Variants in IL17RD observed in about 807,000 individuals in gnomAD.
The protein encoded by IL17RD is interleukin-17 receptor D.
Under a neutral mutation model 80.5 loss-of-function variants are expected in IL17RD, and 52 were observed. The observed-to-expected ratio is 0.65, with a 90% confidence interval of 0.52 to 0.81. The LOEUF (loss-of-function observed/expected upper bound fraction) is 0.81, where lower values mean the gene tolerates loss of function less well. IL17RD is among the 40% of genes least tolerant of loss of function. IL17RD has a pLI of 0.00. For synonymous variants in IL17RD, 416 were observed against 391.8 expected, an observed-to-expected ratio of 1.06 and a Z score of -0.73; for missense variants, 1,024 against 955.1, an observed-to-expected ratio of 1.07 and a Z score of -0.95.
intron 1 of IL17RD, among the ~76,000 whole-genome samples, chr3:57,162,599 A>G (rs977895080): frequency 6.6e-6 from 1 of 152,212 alleles, no homozygotes; most frequent in Non-Finnish European, 1.5e-5. Flanking sequence ...GGGCCGAGAA[A>G]GGAAGCTGCA....
At chr3:57,123,431 A>G (rs961165256) in intron 1 of IL17RD, among the ~76,000 whole-genome samples, 2 of 152,040 alleles carry the variant, frequency 1.3e-5, no homozygotes, top group Admixed American at 1.3e-4. Context: ...TGCTCGGAAA[A>G]TGTCCTTGGG....
rs1706664352 is a variant in IL17RD at position 57,096,128 on chromosome 3, C to T, written c.*265G>A. ...CTACCTCCCACAACAGGCTCTGATCCAAGGACTAACCAAATTTGGCAAGCT... is the reference window on the plus strand; with the variant it reads ...CTACCTCCCACAACAGGCTCTGATCTAAGGACTAACCAAATTTGGCAAGCT... On this transcript the variant is annotated 3_prime_UTR_variant, in exon 13 of 13. Transcript: ENST00000296318. The T allele has an allele frequency of 2.2e-6, 1 of 454,458 alleles. No individual in the cohort carries two copies. The highest frequency in any genetic ancestry group is 4.0e-6 in the Non-Finnish European group (1 of 248,942). The allele number at this position is 454,458 out of a possible 1,614,324, so 28.2% of individuals were successfully genotyped here. A position where few individuals can be genotyped will look rare whatever the true frequency, so the allele number is the denominator to read the frequency against.
intron 1 of IL17RD, chr3:57,164,822 G>C: frequency 1.1e-6 from 1 of 934,596 alleles, no homozygotes; most frequent in Non-Finnish European, 1.3e-6. Flanking sequence ...CGCAGCCCTG[G>C]GACGAAGGAG....
rs1410396796 is a variant in IL17RD, at chr3:57,165,168, C to T, written c.119G>A (p.Gly40Asp). Residue 40 changes from glycine to aspartate, a missense_variant, in exon 1 of 13, where the codon GGC becomes GAC. Coordinates refer to ENST00000296318, the MANE Select transcript of IL17RD (RefSeq NM_017563.5). ...SGRARGADTCGWRGVGPASRN... is the reference protein window; with the variant it reads ...SGRARGADTCDWRGVGPASRN... ...CCGCCGCCCTCGCCTTACCCTCCAGCCACAGGTGTCGGCGCCCCGCGCGCG... is the reference window on the plus strand; with the variant it reads ...CCGCCGCCCTCGCCTTACCCTCCAGTCACAGGTGTCGGCGCCCCGCGCGCG... 5.9e-6 allele frequency: 9 copies of T among 1,526,086 alleles called. No homozygotes were observed. The East Asian group carries it at 1.8e-4, about 31-fold the overall frequency. 94.5% of individuals were successfully genotyped at this position (1,526,086 alleles called of 1,614,324 possible). A position where few individuals can be genotyped will look rare whatever the true frequency, so the allele number is the denominator to read the frequency against.
At position 57,118,501 on chromosome 3, in the gene IL17RD, G is replaced by A. The variant is rs1352018265; in HGVS notation, c.184+1755C>T. ...TGTCCAAGAGATTAATCAGATGCCA[G>A]ACGTCACTAAATATGAGTCAAGTTC... On this transcript the variant is annotated intron_variant, in intron 2 of 12. Transcript: ENST00000296318. Among the ~76,000 whole-genome samples the A allele has an allele frequency of 2.6e-5, 4 of 152,270 alleles. No homozygotes were observed. In the South Asian group the frequency reaches 6.2e-4, roughly 24 times the overall value.
At chr3:57,106,241 C>T (rs1706963714) in intron 5 of IL17RD, 87 bp from the exon 6 acceptor site, 1 of 954,472 alleles carries the variant, frequency 1.0e-6, no homozygotes, top group South Asian at 1.4e-5. Context: ...TATAAAGATA[C>T]TGTGCCGGGT....
Position 57,127,412 on chromosome 3 carries a change from A to ATATAT in IL17RD, c.127-7100_127-7099insATATA, listed in dbSNP as rs1246159104. Among the ~76,000 whole-genome samples, 8 of 91,190 alleles carry ATATAT rather than the reference A, an allele frequency of 8.8e-5. 1 individual carries two copies. The highest frequency in any genetic ancestry group is 3.4e-4 in the African/African-American group (7 of 20,468). 59.8% of individuals were successfully genotyped at this position (91,190 alleles called of 152,430 possible). ...AATAAATAAATATATATATATATAT[A>ATATAT]TTTTTTTTTTGAGATAAGAGTCTTG... On this transcript the variant is annotated intron_variant, in intron 1 of 12. Transcript: ENST00000296318.
At chr3:57,096,559 G>C in intron 12 of IL17RD, 54 bp from the exon 13 acceptor site, 1 of 1,238,378 alleles carries the variant, frequency 8.1e-7, no homozygotes, top group Non-Finnish European at 1.2e-6. Flanking sequence ...CACTGGGCTG[G>C]GCAGGTGCTC....
In IL17RD at chr3:57,149,296, CA is replaced by C. The variant is rs111306706; in HGVS notation, c.126+15864del. ...GGGTGACAAGAGCGAAACTCCATCT[CA>C]AAAAAAAAAAAAAAAGCCGATTCCT... On this transcript the variant is annotated intron_variant, in intron 1 of 12. Transcript: ENST00000296318. Among the ~76,000 whole-genome samples, 1,422 of 88,278 alleles carry C rather than the reference CA, an allele frequency of 0.016. 57 individuals carry two copies. In the East Asian group the frequency reaches 0.23, roughly 14 times the overall value. The allele number at this position is 88,278 out of a possible 152,430, so 57.9% of individuals were successfully genotyped here.
intron 4 of IL17RD, 97 bp from the exon 5 acceptor site, chr3:57,109,754 C>G: frequency 8.3e-7 from 1 of 1,211,444 alleles, no homozygotes; most frequent in Non-Finnish European, 1.2e-6. Flanking sequence ...CACCCAGACA[C>G]AACTCCAGAG....
intron 1 of IL17RD, among the ~76,000 whole-genome samples, chr3:57,153,834 T>C (rs769020491): frequency 1.8e-4 from 28 of 152,186 alleles, no homozygotes; most frequent in Non-Finnish European, 4.0e-4. Flanking sequence ...TATATACATT[T>C]ATATTTACAT....
rs898302904 is a variant in IL17RD at position 57,165,269 on chromosome 3, C to A, written c.18G>T (p.Gln6His). 4.2e-5 allele frequency: 63 copies of A among 1,511,778 alleles called. No individual in the cohort carries two copies. The highest frequency in any genetic ancestry group is 5.3e-5 in the Non-Finnish European group (60 of 1,130,464). 93.6% of individuals were successfully genotyped at this position (1,511,778 alleles called of 1,614,324 possible). A position where few individuals can be genotyped will look rare whatever the true frequency, so the allele number is the denominator to read the frequency against. Residue 6 changes from glutamine (Q) to histidine (H), a missense_variant, in exon 1 of 13, where the codon CAG becomes CAT. Transcript: ENST00000296318. Reference protein sequence around the residue: MAPWLQLCSVFFTVNA... With the variant: MAPWLHLCSVFFTVNA... ...TGACCGTAAAGAAGACGGAGCAGAG[C>A]TGCAGCCACGGGGCCATGGCCGTGC...
At position 57,098,005 on chromosome 3, in the gene IL17RD, G is replaced by C; in HGVS notation, c.1698C>G (p.Pro566=). 1 of 1,614,040 alleles carries C rather than the reference G, an allele frequency of 6.2e-7. No homozygotes were observed. Among genetic ancestry groups the C allele is most frequent in the Non-Finnish European group, 8.5e-7 (1 of 1,179,896 alleles). ...GGTAGCGCAGTGGAGGAGGATGGAA[G>C]GGAACGAACTGCTTTTCGAACCAGT... The part of the protein sequence containing the change: ...EPDWFEKQFV[P]FHPPPLRYRE... Residue 566 remains proline (P), a synonymous_variant, in exon 12 of 13, where the codon CCC becomes CCG. Transcript: ENST00000296318.
In IL17RD at chr3:57,098,228, A is replaced by T; in HGVS notation, c.1475T>A (p.Leu492Gln). The T allele has an allele frequency of 6.2e-7, 1 of 1,613,946 alleles. No homozygotes were observed. The highest frequency in any genetic ancestry group is 2.2e-5 in the East Asian group (1 of 44,880). ...YSCEGDVPGI[L>Q]DLSTKYRLMD... ...GAGTCTGTACTTGGTACTCAGGTCT[A>T]GGATACCGGGGACGTCTCCCTCGCA... The change falls in exon 12 of 13, where the codon CTA (leucine) becomes CAA (glutamine). Residue 492 changes from leucine to glutamine, a missense_variant. By Grantham distance (113) the Leu-to-Gln change is moderately radical. Coordinates refer to ENST00000296318, the MANE Select transcript of IL17RD (RefSeq NM_017563.5).
intron 9 of IL17RD, 127 bp from the exon 10 acceptor site, chr3:57,102,716 G>C: frequency 2.1e-6 from 1 of 483,794 alleles, no homozygotes; most frequent in East Asian, 3.2e-5. Context: ...CCTTTCTCTA[G>C]TGTGGTTTGG....
chr3:57,164,595 C>T (rs996721179), intron 1 of IL17RD, among the ~76,000 whole-genome samples: 7 of 152,168 alleles, frequency 4.6e-5, no homozygotes, highest in Non-Finnish European at 1.0e-4. Flanking sequence ...CAGGAGGTCC[C>T]GGAGTCAGAG....
intron 1 of IL17RD, among the ~76,000 whole-genome samples, chr3:57,154,032 G>A (rs2060248871): frequency 6.6e-6 from 1 of 151,716 alleles, no homozygotes; most frequent in East Asian, 1.9e-4. Context: ...GACTGCTTGA[G>A]GCCAGGAGTT....
rs1553625647 is a variant in IL17RD at position 57,127,371 on chromosome 3, T to TATAA, written c.127-7059_127-7058insTTAT. On this transcript the variant is annotated intron_variant, in intron 1 of 12. Transcript: ENST00000296318. ...ATAAATATATATAAATATAAATATA[T>TATAA]ATATATAAATAAATAAATAAATAAA... Among the ~76,000 whole-genome samples, 208 of 91,608 alleles carry TATAA rather than the reference T, an allele frequency of 2.3e-3. 7 individuals are homozygous for TATAA. Among genetic ancestry groups the TATAA allele is most frequent in the East Asian group, 0.011 (30 of 2,684 alleles). The allele number at this position is 91,608 out of a possible 152,430, so 60.1% of individuals were successfully genotyped here. A position where few individuals can be genotyped will look rare whatever the true frequency, so the allele number is the denominator to read the frequency against.
chr3:57,151,525 G>A (rs1409860689), intron 1 of IL17RD, among the ~76,000 whole-genome samples: 2 of 152,136 alleles, frequency 1.3e-5, no homozygotes, highest in Non-Finnish European at 2.9e-5. Flanking sequence ...TATAGAACCA[G>A]CAGCTTCTGT....
Sources: allele counts gnomAD v4.1 joint callset (sites outside exome capture counted in the v4.1 genomes callset), GRCh38; gene constraint gnomAD v4.1.1; transcripts MANE v1.5; gene names NCBI Gene and HGNC (gene_info 2026-07-23, HGNC 2026-07-21).